The following GNB4 variants were observed in gnomAD, a reference collection of about 807,000 sequenced individuals.
GNB4 encodes guanine nucleotide-binding protein subunit beta-4.
A neutral mutation model predicts 45.2 loss-of-function variants in GNB4; 28 were observed. The ratio of observed to expected loss-of-function variants is 0.62; its 90% CI spans 0.46 to 0.85. The LOEUF is 0.85. Among genes scored for constraint, GNB4 ranks in the 40% least tolerant of loss-of-function variants. The probability of loss-of-function intolerance (pLI) is 0.00; values close to 1 mark genes in which losing one functional copy is unlikely to be tolerated. For missense variants in GNB4, 321 were observed against 425.4 expected, an observed-to-expected ratio of 0.75 and a Z score of 2.16; for synonymous variants, 132 against 143.7, an observed-to-expected ratio of 0.92 and a Z score of 0.58.
chr3:179,511,689 TTTATAAAGTGC>T, the GNB4 span, among the ~76,000 whole-genome samples: 1 of 152,104 alleles, frequency 6.6e-6, no homozygotes, highest in Non-Finnish European at 1.5e-5. Flanking sequence ...TAATAAGCAC[TTTATAAAGTGC>T]TTAAAATAGT....
rs758697612 is a variant in GNB4, at chr3:179,420,830, C to A, written c.96+59G>T. ...ATACAAGAATCTGAATGTCATTTGCCTCTATGTCAAATTATTTTATGAGTT... is the reference window on the plus strand; with the variant it reads ...ATACAAGAATCTGAATGTCATTTGCATCTATGTCAAATTATTTTATGAGTT... On this transcript the variant is annotated intron_variant, in intron 3 of 9. Coordinates refer to ENST00000232564, the MANE Select transcript of GNB4 (RefSeq NM_021629.4). 1.5e-4 allele frequency: 148 copies of A among 1,015,990 alleles called. 1 individual carries two copies. The highest frequency in any genetic ancestry group is 2.1e-4 in the Non-Finnish European group (136 of 644,082). 62.9% of individuals were successfully genotyped at this position (1,015,990 alleles called of 1,614,324 possible). A position where few individuals can be genotyped will look rare whatever the true frequency, so the allele number is the denominator to read the frequency against.
At chr3:179,491,760 G>C in the GNB4 span, among the ~76,000 whole-genome samples, 1 of 152,176 alleles carries the variant, frequency 6.6e-6, no homozygotes, top group African/African-American at 2.4e-5. Context: ...TGTAAAGGAA[G>C]GTTCTCTGAA....
chr3:179,420,953 T>G (rs1325822553), intron 2 of GNB4, 26 bp from the exon 3 acceptor site: 8 of 1,415,202 alleles, frequency 5.7e-6, no homozygotes, highest in Non-Finnish European at 8.0e-6. Context: ...ATGATTATAA[T>G]GCATTTAGCA....
the GNB4 span, among the ~76,000 whole-genome samples, chr3:179,464,122 C>T: frequency 6.6e-6 from 1 of 152,158 alleles, no homozygotes; most frequent in Admixed American, 6.5e-5. Context: ...CTAAGCCCCC[C>T]AACCAATGGA....
intron 7 of GNB4, 33 bp downstream of exon 7, chr3:179,413,682 C>T (rs1218846180): frequency 6.2e-7 from 1 of 1,610,526 alleles, no homozygotes; most frequent in East Asian, 2.2e-5. Context: ...CACCCTCAAA[C>T]CCATAATCAG....
chr3:179,427,136 A>G (rs1166366215), intron 1 of GNB4, among the ~76,000 whole-genome samples: 1 of 151,694 alleles, frequency 6.6e-6, no homozygotes, highest in Non-Finnish European at 1.5e-5. Context: ...CCTGTCTCTG[A>G]TTTTATAATC....
At chr3:179,439,291 C>A (rs1715539027) in intron 1 of GNB4, among the ~76,000 whole-genome samples, 1 of 152,158 alleles carries the variant, frequency 6.6e-6, no homozygotes, top group Non-Finnish European at 1.5e-5. Context: ...ACTAAACTGG[C>A]ACTTTTATAA....
At chr3:179,462,365 G>T in the GNB4 span, among the ~76,000 whole-genome samples, 127,062 of 152,176 alleles carry the variant, frequency 0.83, 53,662 homozygotes, top group East Asian at 1. Context: ...TAGCTTGAAT[G>T]ATAATAGTCT....
intron 1 of GNB4, among the ~76,000 whole-genome samples, chr3:179,443,261 G>A (rs1283427546): frequency 6.6e-6 from 1 of 152,136 alleles, no homozygotes; most frequent in African/African-American, 2.4e-5. Flanking sequence ...TCTTATGGCT[G>A]GGCACAGTGG....
chr3:179,403,717 G>C (rs1577024301), intron 9 of GNB4, among the ~76,000 whole-genome samples: 2 of 151,876 alleles, frequency 1.3e-5, no homozygotes, highest in African/African-American at 2.4e-5. Context: ...AGAATCGCTG[G>C]AACCTGGGAG....
At chr3:179,500,078 T>G in the GNB4 span, among the ~76,000 whole-genome samples, 1 of 152,234 alleles carries the variant, frequency 6.6e-6, no homozygotes, top group Non-Finnish European at 1.5e-5. Context: ...CAGAAGCTCT[T>G]TAGTTTAATT....
chr3:179,467,180 A>C, the GNB4 span, among the ~76,000 whole-genome samples: 5 of 152,110 alleles, frequency 3.3e-5, no homozygotes, highest in African/African-American at 9.7e-5. Context: ...TGCCTGGCTA[A>C]GTTTTAAACA....
intron 1 of GNB4, among the ~76,000 whole-genome samples, chr3:179,433,644 A>C (rs749038395): frequency 2.6e-5 from 4 of 151,850 alleles, no homozygotes; most frequent in Admixed American, 6.6e-5. Context: ...AAGCAGCTTC[A>C]GTTGGGTAAA....
the GNB4 span, among the ~76,000 whole-genome samples, chr3:179,477,898 T>C: frequency 6.6e-6 from 1 of 152,210 alleles, no homozygotes; most frequent in African/African-American, 2.4e-5. Flanking sequence ...TAGTTTCAAG[T>C]ATTTGTTTTA....
At chr3:179,463,034 G>T in the GNB4 span, among the ~76,000 whole-genome samples, 1 of 152,280 alleles carries the variant, frequency 6.6e-6, no homozygotes, top group South Asian at 2.1e-4. Context: ...AAGGTTTAAA[G>T]AAAAATGACC....
rs112500963 is a variant in GNB4 at position 179,420,934 on chromosome 3, T to TA, written c.58-8dup. On this transcript the variant is annotated splice_polypyrimidine_tract_variant and splice_region_variant and intron_variant, in intron 2 of 9. Coordinates refer to ENST00000232564, the MANE Select transcript of GNB4 (RefSeq NM_021629.4). ...TACATGCTTTCCGAGCATCCTGAAG[T>TA]AAAAAAATATGATTATAATGCATTT... 2.9e-3 allele frequency: 4,539 copies of TA among 1,550,452 alleles called. 116 individuals carry two copies. In the African/African-American group the frequency reaches 0.053, roughly 18 times the overall value.
chr3:179,474,987 G>A, the GNB4 span, among the ~76,000 whole-genome samples: 2 of 152,064 alleles, frequency 1.3e-5, no homozygotes, highest in African/African-American at 4.8e-5. Flanking sequence ...GTTCAAGGTC[G>A]AGGGGGCCTG....
At chr3:179,442,666 G>C (rs939993571) in intron 1 of GNB4, among the ~76,000 whole-genome samples, 3 of 151,674 alleles carry the variant, frequency 2.0e-5, no homozygotes, top group Admixed American at 6.6e-5. Context: ...CTGTCGCCCA[G>C]GTTAAAGCAC....
At chr3:179,474,989 G>A in the GNB4 span, among the ~76,000 whole-genome samples, 2 of 152,062 alleles carry the variant, frequency 1.3e-5, no homozygotes, top group African/African-American at 4.8e-5. Context: ...TCAAGGTCGA[G>A]GGGGCCTGAA....
Sources: gnomAD v4.1 joint callset for allele counts (sites outside exome capture counted in the v4.1 genomes callset) on GRCh38, gnomAD v4.1.1 for gene constraint, MANE v1.5 for transcripts, NCBI Gene and HGNC (gene_info 2026-07-23, HGNC 2026-07-21) for gene names.